DCAF1: variants seen among roughly 807,000 people sequenced by gnomAD.
DCAF1 encodes the protein DDB1 and CUL4 associated factor 1, also known as DDB1- and CUL4-associated factor 1.
DCAF1 carries 15 observed loss-of-function variants against 128.0 expected under a neutral mutation model. That is an observed-to-expected ratio of 0.12 (90% CI 0.08 to 0.18). The LOEUF (loss-of-function observed/expected upper bound fraction) is 0.18, where lower values mean the gene tolerates loss of function less well. DCAF1 is among the 10% of genes least tolerant of loss of function. The pLI, the probability that DCAF1 is intolerant of heterozygous loss-of-function variation, is 1.00. For missense variants in DCAF1, 988 were observed against 1,649.5 expected (o/e 0.60, Z 6.95); for synonymous variants, 610 against 603.0 (o/e 1.01, Z -0.17).
intron 3 of DCAF1, among the ~76,000 whole-genome samples, chr3:51,481,678 C>T (rs1450669229): frequency 6.6e-6 from 1 of 151,436 alleles, no homozygotes; most frequent in Non-Finnish European, 1.5e-5. Context: ...GAGAGCAAGA[C>T]TCCGTCTCAA....
intron 6 of DCAF1, among the ~76,000 whole-genome samples, chr3:51,458,271 C>A (rs1184787739): frequency 1.3e-5 from 2 of 152,208 alleles, no homozygotes; most frequent in Non-Finnish European, 2.9e-5. Flanking sequence ...ATCCTAGTCT[C>A]TGATAAAACA....
At chr3:51,500,211 A>G (rs1708724261), upstream of DCAF1, among the ~76,000 whole-genome samples, 1 of 147,558 alleles carries the variant, frequency 6.8e-6, no homozygotes, top group African/African-American at 2.5e-5. Flanking sequence ...CGGGCCCACC[A>G]GTCCCAATTG....
At chr3:51,453,234 T>C (rs1436633646) in intron 6 of DCAF1, among the ~76,000 whole-genome samples, 4 of 152,210 alleles carry the variant, frequency 2.6e-5, no homozygotes, top group Non-Finnish European at 5.9e-5. Context: ...TCTAAAATAC[T>C]TTCTGTGGCA....
intron 2 of DCAF1, among the ~76,000 whole-genome samples, chr3:51,491,739 G>C (rs564775623): frequency 4.6e-5 from 7 of 152,062 alleles, no homozygotes; most frequent in East Asian, 1.9e-4. Context: ...AGCTACTCAG[G>C]GGGGCTGAGG....
intron 6 of DCAF1, among the ~76,000 whole-genome samples, chr3:51,459,106 ATT>A (rs1703253179): frequency 3.3e-5 from 5 of 152,216 alleles, no homozygotes; most frequent in African/African-American, 1.2e-4. Context: ...CCTTCAAAAA[ATT>A]AATGAATCCA....
intron 6 of DCAF1, among the ~76,000 whole-genome samples, chr3:51,446,011 CCAGA>C (rs1410444819): frequency 3.0e-4 from 19 of 63,482 alleles, no homozygotes; most frequent in African/African-American, 4.2e-4. Flanking sequence ...TTTTTTTTTT[CCAGA>C]CAGAGTCTTG....
At chr3:51,485,813 T>C (rs782574512) in intron 2 of DCAF1, among the ~76,000 whole-genome samples, 4 of 152,166 alleles carry the variant, frequency 2.6e-5, no homozygotes, top group Admixed American at 6.6e-5. Context: ...TCATGTCACC[T>C]GGATTACACA....
At chr3:51,446,917 G>A (rs1314466846) in intron 6 of DCAF1, among the ~76,000 whole-genome samples, 3 of 149,254 alleles carry the variant, frequency 2.0e-5, no homozygotes, top group African/African-American at 4.9e-5. Context: ...CTGAGATCAC[G>A]CCACTGCGCT....
chr3:51,418,650 T>G, intron 16 of DCAF1, 28 bp downstream of exon 16: 1 of 1,584,484 alleles, frequency 6.3e-7, no homozygotes, highest in South Asian at 1.1e-5. Context: ...GAAGAATGAC[T>G]GAGAGCATCC....
chr3:51,453,045 A>G (rs537124804), intron 6 of DCAF1, among the ~76,000 whole-genome samples: 16 of 151,736 alleles, frequency 1.1e-4, no homozygotes, highest in African/African-American at 3.6e-4. Flanking sequence ...GTAATCTTGG[A>G]TAAACCTTGT....
At chr3:51,483,142 A>C (rs1458812316) in intron 3 of DCAF1, among the ~76,000 whole-genome samples, 6 of 150,418 alleles carry the variant, frequency 4.0e-5, no homozygotes, top group African/African-American at 1.5e-4. Context: ...TCCGTATGAA[A>C]AAAAAAAAAA....
chr3:51,403,453 C>T, intron 23 of DCAF1, 58 bp from the exon 24 acceptor site: 2 of 1,535,924 alleles, frequency 1.3e-6, no homozygotes, highest in East Asian at 2.5e-5. Flanking sequence ...CCATGGGGGC[C>T]ACATGGCGGG....
chr3:51,470,114 C>G (rs1704570457), intron 4 of DCAF1, among the ~76,000 whole-genome samples: 1 of 152,134 alleles, frequency 6.6e-6, no homozygotes, highest in South Asian at 2.1e-4. Flanking sequence ...CAGACATAAG[C>G]GTCAAGGTTC....
At chr3:51,475,238 G>GA (rs200208843) in intron 3 of DCAF1, among the ~76,000 whole-genome samples, 7,605 of 138,404 alleles carry the variant, frequency 0.055, 253 homozygotes, top group Non-Finnish European at 0.07. Context: ...TATCAAAAAA[G>GA]AAAAAAAAAA....
At chr3:51,439,547 T>C (rs1460302403) in intron 9 of DCAF1, among the ~76,000 whole-genome samples, 1 of 151,000 alleles carries the variant, frequency 6.6e-6, no homozygotes, top group African/African-American at 2.4e-5. Flanking sequence ...GTTCAAGCGA[T>C]TCTCCCACCT....
At chr3:51,502,435 T>C (rs568896172), upstream of DCAF1, among the ~76,000 whole-genome samples, 63 of 152,166 alleles carry the variant, frequency 4.1e-4, no homozygotes, top group Middle Eastern at 3.4e-3. Context: ...TGCATGCCTG[T>C]AGTCCCAGCT....
chr3:51,488,512 C>T (rs1553656479), intron 2 of DCAF1, among the ~76,000 whole-genome samples: 5 of 151,956 alleles, frequency 3.3e-5, no homozygotes. Flanking sequence ...CCTGTCTCTA[C>T]TAAAAATACA....
At chr3:51,483,943 A>G in intron 2 of DCAF1, 107 bp from the exon 3 acceptor site, 2 of 789,092 alleles carry the variant, frequency 2.5e-6, no homozygotes, top group Admixed American at 2.4e-5. Context: ...AAAAAATTAA[A>G]AAGGGAAATT....
chr3:51,435,767 G>C (rs916677455), intron 9 of DCAF1, among the ~76,000 whole-genome samples: 23 of 151,448 alleles, frequency 1.5e-4, no homozygotes, highest in African/African-American at 5.6e-4. Flanking sequence ...CAAACCGTAA[G>C]TGACAAAGAC....
Sources: gnomAD v4.1 joint callset for allele counts (sites outside exome capture counted in the v4.1 genomes callset) on GRCh38, gnomAD v4.1.1 for gene constraint, MANE v1.5 for transcripts, NCBI Gene and HGNC (gene_info 2026-07-23, HGNC 2026-07-21) for gene names.